Variants in KCND2 observed in about 807,000 individuals in gnomAD.
The protein encoded by KCND2 is potassium voltage-gated channel subfamily D member 2.
In KCND2, 16 loss-of-function variants were observed where a neutral mutation model predicts 54.4. The ratio of observed to expected loss-of-function variants is 0.29; its 90% confidence interval spans 0.20 to 0.45. KCND2 has a LOEUF of 0.45. KCND2 is among the 20% of genes least tolerant of loss of function. KCND2 has a pLI of 1.00. For missense variants in KCND2, 486 were observed against 824.2 expected, an observed-to-expected ratio of 0.59 and a Z score of 5.02; for synonymous variants, 317 against 310.7, an observed-to-expected ratio of 1.02 and a Z score of -0.21.
chr7:120,603,997 T>C (rs1792847200), intron 1 of KCND2, among the ~76,000 whole-genome samples: 1 of 152,158 alleles, frequency 6.6e-6, no homozygotes, highest in Non-Finnish European at 1.5e-5. Flanking sequence ...TGTCTGTCCT[T>C]AATCTTTTTA....
intron 1 of KCND2, among the ~76,000 whole-genome samples, chr7:120,523,315 G>A (rs1201963823): frequency 1.3e-5 from 2 of 151,838 alleles, no homozygotes; most frequent in Non-Finnish European, 2.9e-5. Flanking sequence ...AATTCTGCAC[G>A]TGTTTTTAAT....
intron 1 of KCND2, among the ~76,000 whole-genome samples, chr7:120,397,254 A>G (rs530040678): frequency 1.2e-3 from 175 of 152,146 alleles, no homozygotes; most frequent in African/African-American, 4.1e-3. Flanking sequence ...AAAATAGAAA[A>G]TGTCATTTCA....
At position 120,689,087 on chromosome 7, in the gene KCND2, G is replaced by A. The variant is rs184639986; in HGVS notation, c.1116-43816G>A. 3.9e-5 allele frequency among the ~76,000 whole-genome samples: 6 copies of A among 152,218 alleles called. No homozygotes were observed. The East Asian group carries it at 1.2e-3, about 29-fold the overall frequency. On this transcript the variant is annotated intron_variant, in intron 1 of 5. Coordinates refer to ENST00000331113, the MANE Select transcript of KCND2 (RefSeq NM_012281.3). ...CCTTATCATGGCTATAATACACACA[G>A]AGTGTCACTGTAGTACAGGGTCTTA...
chr7:120,508,521 G>T lies in KCND2; in HGVS notation c.1116-224382G>T, dbSNP rs974303355. Among the ~76,000 whole-genome samples, 29 of 151,828 alleles carry T rather than the reference G, an allele frequency of 1.9e-4. 2 individuals carry two copies. The highest frequency in any genetic ancestry group is 2.9e-5 in the Non-Finnish European group (2 of 67,880). Reference sequence around the variant, plus strand: ...TCTGACTATAACACACTACTTATTCGCATTATGATGAAAAGAAATAAAGTG... The same window carrying T: ...TCTGACTATAACACACTACTTATTCTCATTATGATGAAAAGAAATAAAGTG... On this transcript the variant is annotated intron_variant, in intron 1 of 5. Coordinates refer to ENST00000331113, the MANE Select transcript of KCND2 (RefSeq NM_012281.3).
intron 1 of KCND2, among the ~76,000 whole-genome samples, chr7:120,504,814 G>A (rs1802990244): frequency 6.6e-6 from 1 of 151,564 alleles, no homozygotes; most frequent in Non-Finnish European, 1.5e-5. Flanking sequence ...TTTTGTACCT[G>A]TGGTAAGTTT....
chr7:120,473,866 A>G (rs1305043171), intron 1 of KCND2, among the ~76,000 whole-genome samples: 1 of 152,158 alleles, frequency 6.6e-6, no homozygotes, highest in Non-Finnish European at 1.5e-5. Flanking sequence ...GAGAGAAAGG[A>G]GGTTTCTGTG....
intron 1 of KCND2, among the ~76,000 whole-genome samples, chr7:120,668,255 T>C (rs1276508664): frequency 6.6e-6 from 1 of 152,066 alleles, no homozygotes; most frequent in East Asian, 1.9e-4. Context: ...CTATCTCCTA[T>C]CTTTCCAACA....
rs114656779 is a variant in KCND2, at chr7:120,653,494, A to C, written c.1116-79409A>C. On this transcript the variant is annotated intron_variant, in intron 1 of 5. Coordinates refer to ENST00000331113, the MANE Select transcript of KCND2 (RefSeq NM_012281.3). ...ACCTGAGAGATGGCTTCATTAGTTC[A>C]TCTGTTCCCTAAGAGGCAATGTCTT... Among the ~76,000 whole-genome samples the C allele has an allele frequency of 7.3e-3, 1,108 of 152,238 alleles. 15 individuals are homozygous for C. Among genetic ancestry groups the C allele is most frequent in the African/African-American group, 0.025 (1,046 of 41,534 alleles).
chr7:120,609,336 C>T (rs1394323234), intron 1 of KCND2, among the ~76,000 whole-genome samples: 1 of 152,108 alleles, frequency 6.6e-6, no homozygotes, highest in Non-Finnish European at 1.5e-5. Flanking sequence ...TGGGGTTGCA[C>T]AGCACTCTGT....
intron 1 of KCND2, among the ~76,000 whole-genome samples, chr7:120,629,272 G>C (rs1156750026): frequency 2.0e-5 from 3 of 152,210 alleles, no homozygotes; most frequent in African/African-American, 7.2e-5. Flanking sequence ...CGGATCACGA[G>C]GTCAGGAGAT....
At chr7:120,671,721 G>A (rs1478392319) in intron 1 of KCND2, among the ~76,000 whole-genome samples, 1 of 152,040 alleles carries the variant, frequency 6.6e-6, no homozygotes, top group Non-Finnish European at 1.5e-5. Flanking sequence ...ACTAGACACA[G>A]CTTATATCCA....
chr7:120,673,103 G>A (rs746312154), intron 1 of KCND2: 1 of 152,200 alleles, frequency 6.6e-6, no homozygotes, highest in Non-Finnish European at 1.5e-5. Flanking sequence ...AACACAGCGA[G>A]AAGGCAGCCA....
chr7:120,538,330 G>A (rs1791936976), intron 1 of KCND2, among the ~76,000 whole-genome samples: 1 of 152,182 alleles, frequency 6.6e-6, no homozygotes, highest in Non-Finnish European at 1.5e-5. Flanking sequence ...ACTGATCACA[G>A]ATTACAGTAA....
intron 1 of KCND2, among the ~76,000 whole-genome samples, chr7:120,481,254 C>G (rs1306610692): frequency 6.6e-6 from 1 of 152,050 alleles, no homozygotes; most frequent in Non-Finnish European, 1.5e-5. Flanking sequence ...AACCGGGATA[C>G]CTGGTGGAAG....
chr7:120,406,916 T>A (rs1801369349), intron 1 of KCND2, among the ~76,000 whole-genome samples: 1 of 151,956 alleles, frequency 6.6e-6, no homozygotes. Flanking sequence ...GCTATGTGAT[T>A]TTGTCTTTAT....
chr7:120,365,153 A>T (rs1234703266), intron 1 of KCND2, among the ~76,000 whole-genome samples: 1 of 144,506 alleles, frequency 6.9e-6, no homozygotes, highest in Non-Finnish European at 1.5e-5. Context: ...AAGGAAGGGA[A>T]AATGGAGGGT....
chr7:120,524,465 G>T (rs182848265), intron 1 of KCND2, among the ~76,000 whole-genome samples: 2 of 151,906 alleles, frequency 1.3e-5, no homozygotes, highest in Non-Finnish European at 2.9e-5. Context: ...TTGATATTTA[G>T]TCTTCAGACA....
chr7:120,343,441 C>T (rs890150490), intron 1 of KCND2, among the ~76,000 whole-genome samples: 3 of 152,098 alleles, frequency 2.0e-5, no homozygotes, highest in Non-Finnish European at 4.4e-5. Flanking sequence ...AGACCTTAAA[C>T]GACACATCAA....
intron 1 of KCND2, among the ~76,000 whole-genome samples, chr7:120,430,386 A>G (rs1250412759): frequency 6.6e-6 from 1 of 152,116 alleles, no homozygotes; most frequent in Non-Finnish European, 1.5e-5. Flanking sequence ...ATGTTTAAGG[A>G]TAAGACCTCA....
Sources: allele counts gnomAD v4.1 joint callset (sites outside exome capture counted in the v4.1 genomes callset), GRCh38; gene constraint gnomAD v4.1.1; transcripts MANE v1.5; gene names NCBI Gene and HGNC (gene_info 2026-07-23, HGNC 2026-07-21).